The following CSMD1 variants were observed in gnomAD, a reference collection of about 807,000 sequenced individuals.
The protein encoded by CSMD1 is CUB and Sushi multiple domains 1, also known as CUB and sushi domain-containing protein 1.
In CSMD1, 213 loss-of-function variants were observed where a neutral mutation model predicts 417.5. That is an observed-to-expected ratio of 0.51 (90% confidence interval 0.46 to 0.57). The LOEUF (loss-of-function observed/expected upper bound fraction) is 0.57. Among genes scored for constraint, CSMD1 ranks in the 20% least tolerant of loss-of-function variants. The pLI, the probability that CSMD1 is intolerant of heterozygous loss-of-function variation, is 0.00. For synonymous variants in CSMD1, 2,862 were observed against 1,736.8 expected, an observed-to-expected ratio of 1.65 and a Z score of -16.11; for missense variants, 6,923 against 4,529.7, an observed-to-expected ratio of 1.53 and a Z score of -15.17.
intron 1 of CSMD1, among the ~76,000 whole-genome samples, chr8:4,983,735 T>G (rs1811022225): frequency 6.6e-6 from 1 of 151,970 alleles, no homozygotes; most frequent in African/African-American, 2.4e-5. Flanking sequence ...AACAACATTT[T>G]TTAAAGGACC....
intron 17 of CSMD1, among the ~76,000 whole-genome samples, chr8:3,388,790 G>A (rs1364132527): frequency 1.3e-5 from 2 of 152,118 alleles, no homozygotes; most frequent in African/African-American, 4.8e-5. Context: ...AACTCTGGAG[G>A]AGCTTTCAAT....
chr8:4,569,731 A>T (rs1798792588), intron 2 of CSMD1, among the ~76,000 whole-genome samples: 1 of 152,198 alleles, frequency 6.6e-6, no homozygotes, highest in African/African-American at 2.4e-5. Context: ...TACTTTGGGC[A>T]GTATGGCCAT....
At chr8:3,894,218 A>G (rs1376701100) in intron 5 of CSMD1, among the ~76,000 whole-genome samples, 1 of 152,182 alleles carries the variant, frequency 6.6e-6, no homozygotes, top group Non-Finnish European at 1.5e-5. Flanking sequence ...AGAAGACAAG[A>G]ACGCAGGTAT....
intron 26 of CSMD1, among the ~76,000 whole-genome samples, chr8:3,234,954 A>G (rs1799065292): frequency 6.6e-6 from 1 of 152,320 alleles, no homozygotes; most frequent in Non-Finnish European, 1.5e-5. Flanking sequence ...AGCAAATCCT[A>G]CTGTACATGC....
intron 54 of CSMD1, among the ~76,000 whole-genome samples, chr8:2,989,445 T>C (rs1806192574): frequency 6.6e-6 from 1 of 152,204 alleles, no homozygotes; most frequent in Non-Finnish European, 1.5e-5. Context: ...GACATGCCAA[T>C]GATGGTCCAT....
At chr8:4,140,424 G>C (rs1008266616) in intron 3 of CSMD1, among the ~76,000 whole-genome samples, 5 of 150,924 alleles carry the variant, frequency 3.3e-5, no homozygotes, top group Non-Finnish European at 7.4e-5. Context: ...CTTGAACCTG[G>C]GAAGTGGAGG....
rs78032363 is a variant in CSMD1 at position 3,707,514 on chromosome 8, G to T, written c.1009+900C>A. Among the ~76,000 whole-genome samples, 737 of 152,266 alleles carry T rather than the reference G, an allele frequency of 4.8e-3. 10 individuals carry two copies. Among genetic ancestry groups the T allele is most frequent in the African/African-American group, 0.017 (701 of 41,560 alleles). On this transcript the variant is annotated intron_variant, in intron 7 of 69. Coordinates refer to ENST00000635120, the MANE Select transcript of CSMD1 (RefSeq NM_033225.6). The stretch of plus-strand genomic sequence containing the variant: ...CCTAGAAGAAGCGTGAGCAGAAAAC[G>T]GCCCCTACAGGAAGTCAACCCACTT...
At chr8:4,288,853 G>C (rs778829084) in intron 3 of CSMD1, among the ~76,000 whole-genome samples, 2 of 152,256 alleles carry the variant, frequency 1.3e-5, no homozygotes, top group East Asian at 1.9e-4. Flanking sequence ...TAGGATACCA[G>C]TATGCTATGA....
chr8:3,964,057 G>A (rs1027759709), intron 5 of CSMD1, among the ~76,000 whole-genome samples: 1 of 152,174 alleles, frequency 6.6e-6, no homozygotes, highest in East Asian at 1.9e-4. Flanking sequence ...TGATAGCACA[G>A]CATGAGGTGC....
At position 3,600,774 on chromosome 8, in the gene CSMD1, T is replaced by C. The variant is rs1021569135; in HGVS notation, c.1098-14514A>G. ...CACAGGATTCAGTCATAAATAGCAG[T>C]CATTGTTCTTCCATGAATGTTTTGT... On this transcript the variant is annotated intron_variant, in intron 8 of 69. Transcript: ENST00000635120. 2.6e-5 allele frequency among the ~76,000 whole-genome samples: 4 copies of C among 152,322 alleles called. No individual in the cohort carries two copies. The East Asian group carries it at 5.8e-4, about 22-fold the overall frequency.
intron 8 of CSMD1, 116 bp downstream of exon 8, chr8:3,616,594 A>T (rs1018487273): frequency 1.5e-6 from 1 of 677,718 alleles, no homozygotes; most frequent in African/African-American, 1.8e-5. Context: ...AGAGTTAATG[A>T]TTAAGAAGTT....
chr8:3,410,440 G>A (rs1812613612), intron 12 of CSMD1, among the ~76,000 whole-genome samples: 1 of 152,126 alleles, frequency 6.6e-6, no homozygotes, highest in African/African-American at 2.4e-5. Flanking sequence ...GGAGGTAATT[G>A]ATCATGGGGG....
intron 1 of CSMD1, among the ~76,000 whole-genome samples, chr8:4,976,126 T>A (rs2117405067): frequency 6.6e-6 from 1 of 152,192 alleles, no homozygotes. Flanking sequence ...AATATGGACA[T>A]AAGGGAAGAA....
At position 4,977,460 on chromosome 8, in the gene CSMD1, T is replaced by G. The variant is rs572415426; in HGVS notation, c.85+16872A>C. On this transcript the variant is annotated intron_variant, in intron 1 of 69. Transcript: ENST00000635120. ...GTGCATGTCCACGGACTCATGCACA[T>G]TGGGAAAGAAGGTCTCATCTCTTCT... Among the ~76,000 whole-genome samples the G allele has an allele frequency of 7.9e-5, 12 of 152,278 alleles. No individual in the cohort carries two copies. In the South Asian group the frequency reaches 1.7e-3, roughly 21 times the overall value.
chr8:4,307,388 C>G (rs146070967), intron 3 of CSMD1, among the ~76,000 whole-genome samples: 3 of 152,266 alleles, frequency 2.0e-5, no homozygotes, highest in Non-Finnish European at 2.9e-5. Flanking sequence ...TGGCCTCCTG[C>G]ACTCTTTTCT....
In CSMD1 at chr8:3,962,105, C is replaced by T. The variant is rs947521790; in HGVS notation, c.818+35798G>A. 4.6e-5 allele frequency among the ~76,000 whole-genome samples: 7 copies of T among 152,182 alleles called. No individual in the cohort carries two copies. In the East Asian group the frequency reaches 1.3e-3, roughly 29 times the overall value. On this transcript the variant is annotated intron_variant, in intron 5 of 69. Coordinates refer to ENST00000635120, the MANE Select transcript of CSMD1 (RefSeq NM_033225.6). ...AACTTGAGCTTGGACTCAGACCCAG[C>T]CAGGACCTTCCTCCTCTTTCTGTGT...
At chr8:3,639,969 T>A (rs1426839295) in intron 7 of CSMD1, among the ~76,000 whole-genome samples, 1 of 152,244 alleles carries the variant, frequency 6.6e-6, no homozygotes, top group Non-Finnish European at 1.5e-5. Context: ...CACTATTTTA[T>A]GGCTAGCATC....
At position 3,486,159 on chromosome 8, in the gene CSMD1, T is replaced by G. The variant is rs1035367151; in HGVS notation, c.1448+7464A>C. 4.6e-5 allele frequency among the ~76,000 whole-genome samples: 7 copies of G among 152,358 alleles called. No homozygotes were observed. The South Asian group carries it at 6.2e-4, about 14-fold the overall frequency. ...TTCTGTTATATTTCATTTTCAAATT[T>G]GATTCTGAACATGGCAGAACTCTGG... On this transcript the variant is annotated intron_variant, in intron 11 of 69. Coordinates refer to ENST00000635120, the MANE Select transcript of CSMD1 (RefSeq NM_033225.6).
chr8:3,813,986 A>G (rs1448216099), intron 5 of CSMD1, among the ~76,000 whole-genome samples: 1 of 152,236 alleles, frequency 6.6e-6, no homozygotes, highest in Non-Finnish European at 1.5e-5. Context: ...TTACCTAAGT[A>G]AAAGGAGAAC....
Sources: gnomAD v4.1 joint callset for allele counts (sites outside exome capture counted in the v4.1 genomes callset) on GRCh38, gnomAD v4.1.1 for gene constraint, MANE v1.5 for transcripts, NCBI Gene and HGNC (gene_info 2026-07-23, HGNC 2026-07-21) for gene names.